The following LEKR1 variants were observed in gnomAD, a reference collection of about 807,000 sequenced individuals.
LEKR1 encodes protein LEKR1.
LEKR1 carries 59 observed loss-of-function variants against 72.4 expected under a neutral mutation model. That is an observed-to-expected ratio of 0.82 (90% CI 0.66 to 1.01). LEKR1 has a LOEUF of 1.01. Among genes scored for constraint, LEKR1 ranks in the 50% least tolerant of loss-of-function variants. LEKR1 has a pLI of 0.00. For synonymous variants in LEKR1, 257 were observed against 263.2 expected, an observed-to-expected ratio of 0.98 and a Z score of 0.23; for missense variants, 728 against 759.2, an observed-to-expected ratio of 0.96 and a Z score of 0.48.
chr3:157,017,967 A>AGAAAAG (rs1733506432), intron 10 of LEKR1, among the ~76,000 whole-genome samples: 1 of 150,074 alleles, frequency 6.7e-6, no homozygotes. Context: ...AAAAAAAAAA[A>AGAAAAG]AAAAAGAAAG....
intron 5 of LEKR1, among the ~76,000 whole-genome samples, chr3:156,939,065 A>G (rs1725972128): frequency 1.3e-5 from 2 of 152,244 alleles, no homozygotes; most frequent in Admixed American, 1.3e-4. Context: ...TTAAATAACA[A>G]ATATTCTAAA....
chr3:157,016,445 G>A (rs1364715983), intron 10 of LEKR1, among the ~76,000 whole-genome samples: 2 of 151,882 alleles, frequency 1.3e-5, no homozygotes, highest in Admixed American at 1.3e-4. Flanking sequence ...AAGTTAGGGG[G>A]GCAATGAGGA....
Position 157,045,664 on chromosome 3 carries a change from C to G in LEKR1, c.1993C>G (p.His665Asp), listed in dbSNP as rs974122295. The G allele has an allele frequency of 6.2e-7, 1 of 1,613,976 alleles. No individual in the cohort carries two copies. ...AGGCGTGCCCATTCTCCCCCAGCCA[C>G]ATCCTCCCAGGGGTGGAGCATCTTC... ...RSGVPILPQP[H>D]PPRGGASSAN... The change falls in exon 13 of 13, where the codon CAT becomes GAT. Residue 665 changes from histidine to aspartate, a missense_variant. His to Asp is a moderately conservative substitution (Grantham distance 81). Transcript: ENST00000356539.
At chr3:156,903,219 C>T (rs1055775096) in intron 3 of LEKR1, among the ~76,000 whole-genome samples, 1 of 151,964 alleles carries the variant, frequency 6.6e-6, no homozygotes, top group Non-Finnish European at 1.5e-5. Flanking sequence ...AATGCCTTTC[C>T]ATTGTAATTT....
chr3:157,040,363 G>A (rs1735260828), intron 12 of LEKR1, among the ~76,000 whole-genome samples: 1 of 152,134 alleles, frequency 6.6e-6, no homozygotes, highest in African/African-American at 2.4e-5. Context: ...ACTTTTGTTT[G>A]GGTATGTCTA....
chr3:156,862,114 T>C (rs1716828110), intron 3 of LEKR1, among the ~76,000 whole-genome samples: 1 of 152,100 alleles, frequency 6.6e-6, no homozygotes, highest in African/African-American at 2.4e-5. Flanking sequence ...TATCTTTTAT[T>C]ACCAGCATAA....
At chr3:156,922,840 C>T (rs1724339223) in intron 4 of LEKR1, among the ~76,000 whole-genome samples, 1 of 152,030 alleles carries the variant, frequency 6.6e-6, no homozygotes, top group African/African-American at 2.4e-5. Context: ...CAAATCAGAC[C>T]ATATTTGAAA....
chr3:156,891,349 T>C (rs1720652196), intron 3 of LEKR1, among the ~76,000 whole-genome samples: 2 of 152,214 alleles, frequency 1.3e-5, no homozygotes, highest in East Asian at 3.8e-4. Flanking sequence ...TATCATTCCA[T>C]AGGTAATAAA....
At chr3:156,831,552 A>C (rs1414379421) in intron 2 of LEKR1, among the ~76,000 whole-genome samples, 1 of 152,238 alleles carries the variant, frequency 6.6e-6, no homozygotes, top group Non-Finnish European at 1.5e-5. Context: ...TAAAGGAAAG[A>C]GGTTTAATTG....
chr3:156,943,045 G>T (rs1726367297), intron 6 of LEKR1, among the ~76,000 whole-genome samples: 1 of 151,936 alleles, frequency 6.6e-6, no homozygotes, highest in East Asian at 1.9e-4. Context: ...ATCCAGAATT[G>T]CAGGCAGTCC....
intron 5 of LEKR1, among the ~76,000 whole-genome samples, chr3:156,929,455 G>T (rs115753455): frequency 6.6e-6 from 1 of 152,116 alleles, no homozygotes; most frequent in Admixed American, 6.6e-5. Flanking sequence ...TTTGCTTAAA[G>T]GTGGGATTAA....
intron 9 of LEKR1, among the ~76,000 whole-genome samples, chr3:156,997,597 G>A (rs1383404714): frequency 6.6e-6 from 1 of 152,186 alleles, no homozygotes; most frequent in Admixed American, 6.5e-5. Context: ...AAAGGCCAGA[G>A]CCCCATTCAC....
At chr3:156,829,019 CAG>C (rs1712017755) in intron 1 of LEKR1, among the ~76,000 whole-genome samples, 1 of 152,132 alleles carries the variant, frequency 6.6e-6, no homozygotes. Context: ...TAAATCACAA[CAG>C]AAATTATTAG....
intron 3 of LEKR1, among the ~76,000 whole-genome samples, chr3:156,856,981 A>G (rs1352027186): frequency 6.6e-6 from 1 of 151,988 alleles, no homozygotes; most frequent in Non-Finnish European, 1.5e-5. Context: ...GCATCTTTAT[A>G]TTTATTTCTA....
At chr3:156,857,811 G>A (rs1220092816) in intron 3 of LEKR1, among the ~76,000 whole-genome samples, 1 of 152,200 alleles carries the variant, frequency 6.6e-6, no homozygotes, top group Non-Finnish European at 1.5e-5. Flanking sequence ...AGCTATTTGC[G>A]TCTGTGTTCA....
chr3:156,869,902 C>T (rs1222241508), intron 3 of LEKR1, among the ~76,000 whole-genome samples: 1 of 151,938 alleles, frequency 6.6e-6, no homozygotes, highest in Non-Finnish European at 1.5e-5. Flanking sequence ...GAGAGGGGTC[C>T]AATTTCATTC....
At chr3:156,891,581 T>C (rs1251490794) in intron 3 of LEKR1, among the ~76,000 whole-genome samples, 1 of 152,176 alleles carries the variant, frequency 6.6e-6, no homozygotes, top group Non-Finnish European at 1.5e-5. Flanking sequence ...AAATTAATTA[T>C]AGTTGTCACT....
chr3:157,000,054 T>C (rs574373844), intron 9 of LEKR1, among the ~76,000 whole-genome samples: 1 of 152,332 alleles, frequency 6.6e-6, no homozygotes, highest in East Asian at 1.9e-4. Context: ...GTTGTAACAC[T>C]GAGTCTTTAG....
At chr3:156,859,381 A>T (rs1160445458) in intron 3 of LEKR1, among the ~76,000 whole-genome samples, 2 of 152,216 alleles carry the variant, frequency 1.3e-5, no homozygotes, top group Non-Finnish European at 2.9e-5. Flanking sequence ...GGATTAAAAA[A>T]ATTATAGTTT....
Sources: allele counts gnomAD v4.1 joint callset (sites outside exome capture counted in the v4.1 genomes callset), GRCh38; gene constraint gnomAD v4.1.1; transcripts MANE v1.5; gene names NCBI Gene and HGNC (gene_info 2026-07-23, HGNC 2026-07-21).